DPP10: variants seen among roughly 807,000 people sequenced by gnomAD.
DPP10 encodes the protein dipeptidyl peptidase like 10.
DPP10 carries 33 observed loss-of-function variants against 120.9 expected under a neutral mutation model. The ratio of observed to expected loss-of-function variants is 0.27; its 90% confidence interval spans 0.21 to 0.37. The LOEUF is 0.37. DPP10 is among the 10% of genes least tolerant of loss of function. The probability of loss-of-function intolerance (pLI) is 1.00; values close to 1 mark genes in which losing one functional copy is unlikely to be tolerated. For synonymous variants in DPP10, 337 were observed against 326.1 expected (o/e 1.03, Z -0.36); for missense variants, 816 against 942.8 (o/e 0.87, Z 1.76).
At chr2:115,451,273 T>C (rs708652) in intron 3 of DPP10, among the ~76,000 whole-genome samples, 125,630 of 151,840 alleles carry the variant, frequency 0.83, 55,025 homozygotes, top group Non-Finnish European at 0.97. Flanking sequence ...GAACTAGATG[T>C]GAAAGGTGAA....
intron 8 of DPP10, among the ~76,000 whole-genome samples, chr2:115,737,730 G>T (rs1446981505): frequency 6.6e-6 from 1 of 152,102 alleles, no homozygotes; most frequent in Non-Finnish European, 1.5e-5. Context: ...TGTCAATGCG[G>T]CTTGTGTTGT....
intron 1 of DPP10, among the ~76,000 whole-genome samples, chr2:115,039,878 A>G (rs62164491): frequency 0.97 from 147,242 of 152,100 alleles, 71,469 homozygotes; most frequent in Middle Eastern, 1. Context: ...CACCACACCC[A>G]GCAGCCTCAG....
chr2:114,919,334 T>C (rs1695030926), intron 1 of DPP10, among the ~76,000 whole-genome samples: 1 of 152,202 alleles, frequency 6.6e-6, no homozygotes, highest in Non-Finnish European at 1.5e-5. Flanking sequence ...CACAAGCATG[T>C]TATGCTTCCT....
At chr2:114,818,228 T>A (rs1021019630) in intron 1 of DPP10, among the ~76,000 whole-genome samples, 1 of 152,136 alleles carries the variant, frequency 6.6e-6, no homozygotes, top group Non-Finnish European at 1.5e-5. Flanking sequence ...AAATGAAATC[T>A]CTCTTTAGCC....
intron 3 of DPP10, among the ~76,000 whole-genome samples, chr2:115,361,458 T>C (rs6716722): frequency 0.72 from 108,786 of 151,650 alleles, 39,228 homozygotes; most frequent in Admixed American, 0.77. Flanking sequence ...TTGAGGGTGG[T>C]CAATGGACAA....
chr2:115,541,453 T>G (rs1300926733), intron 5 of DPP10, among the ~76,000 whole-genome samples: 2 of 151,712 alleles, frequency 1.3e-5, no homozygotes, highest in African/African-American at 4.8e-5. Context: ...TTCCTCTAGC[T>G]TTGTGTTTAT....
At chr2:115,309,534 T>G (rs779000540) in intron 2 of DPP10, among the ~76,000 whole-genome samples, 181 bp downstream of exon 2, 3 of 152,122 alleles carry the variant, frequency 2.0e-5, no homozygotes, top group Non-Finnish European at 4.4e-5. Context: ...AGTTCAAATA[T>G]CATGCAGGAT....
chr2:115,202,251 C>T (rs2105302363), intron 1 of DPP10, among the ~76,000 whole-genome samples: 1 of 152,180 alleles, frequency 6.6e-6, no homozygotes, highest in Non-Finnish European at 1.5e-5. Flanking sequence ...TTAATTAAAA[C>T]TTTAAAGCAA....
chr2:114,833,279 C>CT (rs1240565032), intron 1 of DPP10: 2 of 64,042 alleles, frequency 3.1e-5, no homozygotes, highest in Non-Finnish European at 3.7e-5. Context: ...TGAGTTAATT[C>CT]TTTAAAAAAA....
intron 5 of DPP10, among the ~76,000 whole-genome samples, chr2:115,565,010 G>A (rs908389037): frequency 6.6e-6 from 1 of 151,942 alleles, no homozygotes; most frequent in Non-Finnish European, 1.5e-5. Context: ...CTATATTCTG[G>A]CACCAACTGG....
chr2:115,184,147 A>G (rs1244448053), intron 1 of DPP10, among the ~76,000 whole-genome samples: 5 of 152,226 alleles, frequency 3.3e-5, no homozygotes, highest in Admixed American at 1.3e-4. Flanking sequence ...AATGAGACCA[A>G]TAATGACCCC....
intron 3 of DPP10, among the ~76,000 whole-genome samples, chr2:115,390,076 A>G (rs2067220947): frequency 1.3e-5 from 2 of 152,176 alleles, no homozygotes; most frequent in Non-Finnish European, 2.9e-5. Context: ...GCCCTACATT[A>G]CATTGTATGA....
intron 1 of DPP10, among the ~76,000 whole-genome samples, chr2:115,107,646 C>A (rs964363509): frequency 6.6e-6 from 1 of 151,720 alleles, no homozygotes; most frequent in African/African-American, 2.4e-5. Context: ...CAATTTACAT[C>A]ACGAGTATCT....
intron 3 of DPP10, among the ~76,000 whole-genome samples, chr2:115,394,378 A>C (rs992996573): frequency 4.2e-4 from 64 of 151,482 alleles, no homozygotes; most frequent in Middle Eastern, 3.4e-3. Flanking sequence ...TCTTGGAGGT[A>C]TTCTTTTGAG....
At chr2:114,540,711 T>C (rs1055615185) in intron 1 of DPP10, among the ~76,000 whole-genome samples, 2 of 152,208 alleles carry the variant, frequency 1.3e-5, no homozygotes, top group African/African-American at 2.4e-5. Flanking sequence ...TTTAATTACA[T>C]CAGGGCTTAA....
At chr2:115,424,816 A>G (rs2070310777) in intron 3 of DPP10, among the ~76,000 whole-genome samples, 1 of 152,168 alleles carries the variant, frequency 6.6e-6, no homozygotes, top group South Asian at 2.1e-4. Flanking sequence ...CACTAAGATA[A>G]AAGGCATATT....
At chr2:114,674,367 C>T (rs1698537721) in intron 1 of DPP10, among the ~76,000 whole-genome samples, 1 of 151,960 alleles carries the variant, frequency 6.6e-6, no homozygotes, top group African/African-American at 2.4e-5. Context: ...TTTACTTCAT[C>T]TAACCATTCC....
chr2:115,261,992 A>G (rs543117512), intron 1 of DPP10, among the ~76,000 whole-genome samples: 5 of 152,282 alleles, frequency 3.3e-5, no homozygotes, highest in South Asian at 2.1e-4. Context: ...GCCACATGCC[A>G]TCTCCCTCCA....
intron 3 of DPP10, among the ~76,000 whole-genome samples, chr2:115,471,794 T>TTGC (rs2074741547): frequency 6.6e-6 from 1 of 151,342 alleles, no homozygotes; most frequent in Non-Finnish European, 1.5e-5. Flanking sequence ...GTTGTTGTTG[T>TTGC]TGTTGTTTAG....
Sources: allele counts gnomAD v4.1 joint callset (sites outside exome capture counted in the v4.1 genomes callset), GRCh38; gene constraint gnomAD v4.1.1; transcripts MANE v1.5; gene names NCBI Gene and HGNC (gene_info 2026-07-23, HGNC 2026-07-21).